Variants in PPARGC1A observed in about 807,000 individuals in gnomAD.
PPARGC1A encodes the protein peroxisome proliferator-activated receptor gamma coactivator 1-alpha.
PPARGC1A carries 25 observed loss-of-function variants against 88.7 expected under a neutral mutation model. That is an observed-to-expected ratio of 0.28 (90% confidence interval 0.21 to 0.39). The LOEUF is 0.39. PPARGC1A is among the 10% of genes least tolerant of loss of function. The pLI is 1.00. For synonymous variants in PPARGC1A, 363 were observed against 355.6 expected, an observed-to-expected ratio of 1.02 and a Z score of -0.24; for missense variants, 880 against 968.7, an observed-to-expected ratio of 0.91 and a Z score of 1.22.
chr4:24,067,922 A>T, the PPARGC1A span, among the ~76,000 whole-genome samples: 6 of 152,282 alleles, frequency 3.9e-5, no homozygotes, highest in African/African-American at 1.2e-4. Flanking sequence ...ATCACCTGTT[A>T]CTTACTTGGT....
the PPARGC1A span, among the ~76,000 whole-genome samples, chr4:24,089,079 G>A: frequency 6.6e-6 from 1 of 152,200 alleles, no homozygotes; most frequent in Non-Finnish European, 1.5e-5. Flanking sequence ...TAGTAGGTAA[G>A]TAGAAAAGTA....
chr4:23,945,116 A>G, the PPARGC1A span, among the ~76,000 whole-genome samples: 2 of 151,708 alleles, frequency 1.3e-5, no homozygotes, highest in Admixed American at 6.6e-5. Flanking sequence ...TAATCCCTCT[A>G]TCTCTGTCTC....
chr4:24,320,693 T>G, the PPARGC1A span, among the ~76,000 whole-genome samples: 2 of 152,158 alleles, frequency 1.3e-5, no homozygotes, highest in African/African-American at 4.8e-5. Flanking sequence ...TGCAAAAAGT[T>G]CAGTGAAGCT....
chr4:23,975,390 C>G, the PPARGC1A span, among the ~76,000 whole-genome samples: 2 of 150,596 alleles, frequency 1.3e-5, no homozygotes, highest in African/African-American at 4.9e-5. Context: ...TTTCTAGAGT[C>G]TCTTCCTGAT....
the PPARGC1A span, among the ~76,000 whole-genome samples, chr4:23,972,533 G>A: frequency 5.9e-5 from 9 of 152,256 alleles, no homozygotes; most frequent in East Asian, 5.8e-4. Context: ...GACATAATAC[G>A]TATGAAAGTG....
At chr4:24,362,345 C>T in the PPARGC1A span, among the ~76,000 whole-genome samples, 1 of 124,578 alleles carries the variant, frequency 8.0e-6, no homozygotes, top group Admixed American at 7.6e-5. Context: ...TTCTTGAACA[C>T]ATGACTGGAT....
chr4:24,370,229 T>A, the PPARGC1A span, among the ~76,000 whole-genome samples: 3 of 152,126 alleles, frequency 2.0e-5, no homozygotes, highest in Admixed American at 6.5e-5. Flanking sequence ...ACAAATAAAT[T>A]TCCAGAGGTT....
At chr4:24,365,127 T>C in the PPARGC1A span, among the ~76,000 whole-genome samples, 2 of 140,244 alleles carry the variant, frequency 1.4e-5, no homozygotes, top group Non-Finnish European at 3.1e-5. Flanking sequence ...GATCCTACCA[T>C]AACAAGCTAA....
chr4:23,902,793 C>T (rs1451226010), upstream of PPARGC1A, among the ~76,000 whole-genome samples: 1 of 152,126 alleles, frequency 6.6e-6, no homozygotes. Flanking sequence ...GGGAGAAAAG[C>T]CTGTTGTTGC....
the PPARGC1A span, among the ~76,000 whole-genome samples, chr4:24,373,079 A>G: frequency 6.6e-6 from 1 of 152,192 alleles, no homozygotes; most frequent in Non-Finnish European, 1.5e-5. Context: ...GTCCAGTTCT[A>G]CATTCTGGAA....
At chr4:23,831,427 T>C (rs1267036017) in intron 3 of PPARGC1A, 130 bp downstream of exon 3, 1 of 746,856 alleles carries the variant, frequency 1.3e-6, no homozygotes, top group Non-Finnish European at 2.1e-6. Context: ...CAACTCTGAG[T>C]GTGCTTGGGG....
intron 2 of PPARGC1A, among the ~76,000 whole-genome samples, chr4:23,875,438 A>G (rs1383170194): frequency 1.3e-5 from 2 of 152,042 alleles, no homozygotes; most frequent in African/African-American, 4.8e-5. Context: ...CCAAACCTGT[A>G]TCTCTTTCTA....
chr4:23,831,436 G>A lies in PPARGC1A; in HGVS notation c.429+121C>T, dbSNP rs928440150. 15 of 825,458 alleles carry A rather than the reference G, an allele frequency of 1.8e-5. No individual in the cohort carries two copies. The African/African-American group carries it at 2.4e-4, about 13-fold the overall frequency. 51.1% of individuals were successfully genotyped at this position (825,458 alleles called of 1,614,324 possible). A position where few individuals can be genotyped will look rare whatever the true frequency, so the allele number is the denominator to read the frequency against. On this transcript the variant is annotated intron_variant, in intron 3 of 12. Transcript: ENST00000264867. ...AATTTGCAACTCTGAGTGTGCTTGG[G>A]GATTGCTTTGGCATCATTCTAAATG...
chr4:24,290,030 T>C, the PPARGC1A span, among the ~76,000 whole-genome samples: 1 of 152,146 alleles, frequency 6.6e-6, no homozygotes, highest in East Asian at 1.9e-4. Flanking sequence ...CTCCCATTTA[T>C]GAAACCATCA....
chr4:24,097,089 G>A, the PPARGC1A span, among the ~76,000 whole-genome samples: 30 of 152,246 alleles, frequency 2.0e-4, no homozygotes, highest in East Asian at 5.0e-3. Flanking sequence ...GTGAGACCCT[G>A]TCTCAACAAT....
the PPARGC1A span, among the ~76,000 whole-genome samples, chr4:24,081,862 T>C: frequency 6.6e-6 from 1 of 152,118 alleles, no homozygotes; most frequent in Non-Finnish European, 1.5e-5. Context: ...AATCCCGGTC[T>C]TTTTGTGCAG....
the PPARGC1A span, among the ~76,000 whole-genome samples, chr4:24,198,653 T>C: frequency 6.6e-6 from 1 of 152,180 alleles, no homozygotes; most frequent in African/African-American, 2.4e-5. Context: ...TTGGGTTGGG[T>C]TCCTCGAGCC....
intron 2 of PPARGC1A, among the ~76,000 whole-genome samples, chr4:23,847,656 C>A (rs1728553726): frequency 6.6e-6 from 1 of 152,004 alleles, no homozygotes; most frequent in African/African-American, 2.4e-5. Context: ...TGCTTGATAC[C>A]CATTAAAACA....
chr4:24,435,773 C>G, the PPARGC1A span, among the ~76,000 whole-genome samples: 1 of 152,164 alleles, frequency 6.6e-6, no homozygotes, highest in Non-Finnish European at 1.5e-5. Context: ...AACAAAGATA[C>G]TGAGGTTCAA....
Sources: allele counts gnomAD v4.1 joint callset (sites outside exome capture counted in the v4.1 genomes callset), GRCh38; gene constraint gnomAD v4.1.1; transcripts MANE v1.5; gene names NCBI Gene and HGNC (gene_info 2026-07-23, HGNC 2026-07-21).